Variants in KCNH1 observed in about 807,000 individuals in gnomAD.
KCNH1 encodes potassium voltage-gated channel subfamily H member 1.
Under a neutral mutation model 69.2 loss-of-function variants are expected in KCNH1, and 27 were observed. That is an observed-to-expected ratio of 0.39 (90% CI 0.29 to 0.54). The LOEUF is 0.54. KCNH1 is among the 20% of genes least tolerant of loss of function. The probability of loss-of-function intolerance (pLI) is 0.68; values close to 1 mark genes in which losing one functional copy is unlikely to be tolerated. For missense variants in KCNH1, 798 were observed against 1,261.6 expected, an observed-to-expected ratio of 0.63 and a Z score of 5.57; for synonymous variants, 456 against 487.7, an observed-to-expected ratio of 0.93 and a Z score of 0.86.
intron 5 of KCNH1, among the ~76,000 whole-genome samples, chr1:211,024,808 G>GA (rs950390969): frequency 5.4e-4 from 79 of 145,756 alleles, no homozygotes; most frequent in Admixed American, 1.7e-3. Context: ...AGAAAGAAAA[G>GA]AAAAAAAAAA....
intron 6 of KCNH1, among the ~76,000 whole-genome samples, chr1:210,967,086 C>A (rs1031824331): frequency 6.6e-6 from 1 of 150,572 alleles, no homozygotes; most frequent in South Asian, 2.1e-4. Flanking sequence ...GGAAACCACA[C>A]ACCACATGTT....
At chr1:210,947,717 T>C (rs1343647299) in intron 6 of KCNH1, among the ~76,000 whole-genome samples, 3 of 152,200 alleles carry the variant, frequency 2.0e-5, no homozygotes, top group South Asian at 2.1e-4. Flanking sequence ...AATAGAAGAA[T>C]TGTTAATTAA....
chr1:210,909,940 T>C (rs1270631569), intron 7 of KCNH1, among the ~76,000 whole-genome samples: 4 of 152,342 alleles, frequency 2.6e-5, no homozygotes, highest in Non-Finnish European at 5.9e-5. Context: ...AAAAATCAAG[T>C]CTGCATCTCA....
Position 210,984,348 on chromosome 1 carries a change from T to C in KCNH1, c.1032+34435A>G, listed in dbSNP as rs892495870. Among the ~76,000 whole-genome samples, 11 of 152,214 alleles carry C rather than the reference T, an allele frequency of 7.2e-5. 1 individual carries two copies. The highest frequency in any genetic ancestry group is 1.3e-4 in the Non-Finnish European group (9 of 68,036). On this transcript the variant is annotated intron_variant, in intron 6 of 10. Transcript: ENST00000271751. Reference sequence around the variant, plus strand: ...GGTGAGAGAGGGCATCCCTGTCTTGTGCCAGTTTTCAAAGGGAATGCTTCC... The same window carrying C: ...GGTGAGAGAGGGCATCCCTGTCTTGCGCCAGTTTTCAAAGGGAATGCTTCC...
At chr1:210,978,788 T>C (rs889201170) in intron 6 of KCNH1, among the ~76,000 whole-genome samples, 1 of 152,246 alleles carries the variant, frequency 6.6e-6, no homozygotes, top group African/African-American at 2.4e-5. Flanking sequence ...GGATGTGATC[T>C]AACATCTCAA....
At chr1:210,916,819 T>C (rs1293806926) in intron 7 of KCNH1, among the ~76,000 whole-genome samples, 1 of 152,120 alleles carries the variant, frequency 6.6e-6, no homozygotes, top group Non-Finnish European at 1.5e-5. Flanking sequence ...GGCTACATAA[T>C]GCAGAAGTGA....
At chr1:211,012,372 A>G (rs970452474) in intron 6 of KCNH1, among the ~76,000 whole-genome samples, 26 of 152,312 alleles carry the variant, frequency 1.7e-4, no homozygotes, top group African/African-American at 5.8e-4. Context: ...GCTGATCAGA[A>G]TTGAAATCAC....
At chr1:211,093,457 T>C (rs578006271) in intron 3 of KCNH1, among the ~76,000 whole-genome samples, 1 of 152,268 alleles carries the variant, frequency 6.6e-6, no homozygotes, top group South Asian at 2.1e-4. Context: ...GGCTAATTTT[T>C]GTATTTTTGG....
intron 1 of KCNH1, among the ~76,000 whole-genome samples, chr1:211,114,676 G>A: frequency 6.6e-6 from 1 of 152,172 alleles, no homozygotes; most frequent in East Asian, 1.9e-4. Context: ...AAATAAGAGA[G>A]CTAAAGTGAC....
chr1:211,020,867 T>G (rs1689575371), intron 5 of KCNH1, among the ~76,000 whole-genome samples: 1 of 151,400 alleles, frequency 6.6e-6, no homozygotes, highest in Non-Finnish European at 1.5e-5. Flanking sequence ...ATGCATCACA[T>G]CAGCAGTAGG....
At chr1:211,086,877 G>A (rs1690961323) in intron 4 of KCNH1, among the ~76,000 whole-genome samples, 1 of 152,212 alleles carries the variant, frequency 6.6e-6, no homozygotes, top group African/African-American at 2.4e-5. Context: ...ATCCAGCAAA[G>A]AACAGTGGAC....
At chr1:210,825,839 C>T (rs76875299) in intron 7 of KCNH1, among the ~76,000 whole-genome samples, 3,599 of 152,260 alleles carry the variant, frequency 0.024, 140 homozygotes, top group African/African-American at 0.078. Flanking sequence ...TGCGTATAGG[C>T]ATTTATTATG....
intron 7 of KCNH1, among the ~76,000 whole-genome samples, chr1:210,906,608 G>A (rs1687106956): frequency 6.6e-6 from 1 of 152,186 alleles, no homozygotes; most frequent in Non-Finnish European, 1.5e-5. Context: ...CATCCAGTGG[G>A]TGAAATTTTA....
intron 6 of KCNH1, among the ~76,000 whole-genome samples, chr1:210,941,418 G>A (rs1021147864): frequency 1.4e-4 from 22 of 152,134 alleles, no homozygotes; most frequent in African/African-American, 4.3e-4. Context: ...GGGCAAGGAG[G>A]CAAGGTTTTA....
chr1:210,933,024 C>T (rs1477608672), intron 6 of KCNH1, among the ~76,000 whole-genome samples: 1 of 152,138 alleles, frequency 6.6e-6, no homozygotes, highest in African/African-American at 2.4e-5. Context: ...TAGACATTTA[C>T]CCACATTTCA....
At chr1:211,079,179 CT>C (rs1318191284) in intron 5 of KCNH1, among the ~76,000 whole-genome samples, 1 of 152,114 alleles carries the variant, frequency 6.6e-6, no homozygotes, top group Non-Finnish European at 1.5e-5. Flanking sequence ...TCAGAGAAAA[CT>C]ATAAACACCT....
At chr1:210,988,487 A>C (rs1347183650) in intron 6 of KCNH1, among the ~76,000 whole-genome samples, 1 of 152,206 alleles carries the variant, frequency 6.6e-6, no homozygotes, top group Admixed American at 6.5e-5. Context: ...ACCGTTTACA[A>C]ATTCAGATAA....
chr1:210,919,406 A>C lies in KCNH1; in HGVS notation c.1462+234T>G, dbSNP rs1687414168. On this transcript the variant is annotated intron_variant, in intron 7 of 10. Transcript: ENST00000271751. This position sits in a 1 kb window ranked among gnomAD's most constrained non-coding sequence, Gnocchi z 4.2. Reference sequence around the variant, plus strand: ...ACAGTATTAGTAGTTATCTCTGAAAAGCAGAATTATGGATAGTCTTTACTT... The same window carrying C: ...ACAGTATTAGTAGTTATCTCTGAAACGCAGAATTATGGATAGTCTTTACTT... 3.9e-6 allele frequency: 2 copies of C among 518,598 alleles called. No homozygotes were observed. Among genetic ancestry groups the C allele is most frequent in the Non-Finnish European group, 6.9e-6 (2 of 289,302 alleles). 32.1% of individuals were successfully genotyped at this position (518,598 alleles called of 1,614,324 possible).
chr1:210,831,113 C>T (rs1179956230), intron 7 of KCNH1, among the ~76,000 whole-genome samples: 1 of 152,210 alleles, frequency 6.6e-6, no homozygotes, highest in Non-Finnish European at 1.5e-5. Flanking sequence ...GTCATAAAGA[C>T]ACCTGCAAAC....
Sources: allele counts gnomAD v4.1 joint callset (sites outside exome capture counted in the v4.1 genomes callset), GRCh38; gene constraint gnomAD v4.1.1; non-coding constraint Gnocchi (gnomAD v3.1); transcripts MANE v1.5; gene names NCBI Gene and HGNC (gene_info 2026-07-23, HGNC 2026-07-21).